Variants in BRINP3 observed in about 807,000 individuals in gnomAD.
The protein encoded by BRINP3 is BMP/retinoic acid-inducible neural-specific protein 3.
A neutral mutation model predicts 71.0 loss-of-function variants in BRINP3; 19 were observed. That is an observed-to-expected ratio of 0.27 (90% CI 0.19 to 0.39). The LOEUF is 0.39. BRINP3 is among the 10% of genes least tolerant of loss of function. The pLI is 1.00. For synonymous variants in BRINP3, 380 were observed against 337.7 expected (o/e 1.13, Z -1.37); for missense variants, 959 against 940.8 (o/e 1.02, Z -0.25).
chr1:190,183,440 G>A (rs1027639698), intron 6 of BRINP3, among the ~76,000 whole-genome samples: 1 of 151,972 alleles, frequency 6.6e-6, no homozygotes, highest in African/African-American at 2.4e-5. Flanking sequence ...CTCAAAGGGG[G>A]AATAAAGATA....
intron 2 of BRINP3, among the ~76,000 whole-genome samples, chr1:190,354,597 C>T (rs1315033549): frequency 6.6e-6 from 1 of 151,954 alleles, no homozygotes; most frequent in Non-Finnish European, 1.5e-5. Context: ...TACCACAGCT[C>T]ATTGTCTCCT....
chr1:190,102,345 G>A (rs781357669), intron 7 of BRINP3, among the ~76,000 whole-genome samples: 1 of 152,100 alleles, frequency 6.6e-6, no homozygotes, highest in Non-Finnish European at 1.5e-5. Flanking sequence ...GGAGACAAAT[G>A]TCCTAACAAT....
chr1:190,146,752 T>C (rs975751342), intron 7 of BRINP3, among the ~76,000 whole-genome samples: 7 of 152,210 alleles, frequency 4.6e-5, no homozygotes, highest in African/African-American at 1.7e-4. Flanking sequence ...GCAATCCTAG[T>C]CTACTATCAT....
intron 2 of BRINP3, among the ~76,000 whole-genome samples, chr1:190,423,075 G>A (rs370448350): frequency 8.8e-4 from 134 of 151,778 alleles, no homozygotes; most frequent in Middle Eastern, 3.4e-3. Flanking sequence ...ATTTTTGCTA[G>A]ACCCCAGACC....
chr1:190,436,409 A>T (rs1674457038), intron 2 of BRINP3, among the ~76,000 whole-genome samples: 1 of 151,876 alleles, frequency 6.6e-6, no homozygotes, highest in Non-Finnish European at 1.5e-5. Context: ...TGTGGTCAAC[A>T]ATCTTAGAAA....
intron 6 of BRINP3, among the ~76,000 whole-genome samples, chr1:190,187,376 T>C (rs556570697): frequency 1.2e-4 from 19 of 152,272 alleles, no homozygotes; most frequent in African/African-American, 4.3e-4. Context: ...GAATATTTTT[T>C]TATTTTTATG....
At chr1:190,161,136 T>C in intron 6 of BRINP3, among the ~76,000 whole-genome samples, 1 of 152,080 alleles carries the variant, frequency 6.6e-6, no homozygotes, top group East Asian at 1.9e-4. Flanking sequence ...ACTAAAATAA[T>C]TTGTGCTAAA....
intron 2 of BRINP3, among the ~76,000 whole-genome samples, chr1:190,357,424 G>C (rs1400332716): frequency 1.3e-5 from 2 of 151,844 alleles, no homozygotes; most frequent in Non-Finnish European, 2.9e-5. Context: ...AGAAAATTTT[G>C]ATTATTATTA....
chr1:190,365,854 T>C (rs1264084755), intron 2 of BRINP3, among the ~76,000 whole-genome samples: 1 of 141,584 alleles, frequency 7.1e-6, no homozygotes, highest in Non-Finnish European at 1.5e-5. Flanking sequence ...ACATATATAA[T>C]GTATATATCC....
At chr1:190,414,163 A>G (rs948872033) in intron 2 of BRINP3, among the ~76,000 whole-genome samples, 3 of 152,120 alleles carry the variant, frequency 2.0e-5, no homozygotes, top group Admixed American at 1.3e-4. Flanking sequence ...TAAACAAAAA[A>G]TAATATTTTT....
intron 6 of BRINP3, among the ~76,000 whole-genome samples, chr1:190,224,964 A>C (rs190758991): frequency 7.4e-4 from 113 of 152,046 alleles, no homozygotes; most frequent in African/African-American, 2.6e-3. Flanking sequence ...GGTTGTATCA[A>C]AAGACAGGCA....
At chr1:190,227,147 T>C (rs1313397487) in intron 5 of BRINP3, among the ~76,000 whole-genome samples, 1 of 151,876 alleles carries the variant, frequency 6.6e-6, no homozygotes. Flanking sequence ...TAAAAATGAA[T>C]ACAAAGCTAA....
intron 7 of BRINP3, among the ~76,000 whole-genome samples, chr1:190,139,634 T>C (rs1388269386): frequency 1.3e-5 from 2 of 152,008 alleles, no homozygotes; most frequent in Non-Finnish European, 2.9e-5. Flanking sequence ...CAGGGAGGCT[T>C]GAAGGAAATA....
intron 2 of BRINP3, among the ~76,000 whole-genome samples, chr1:190,446,273 T>C (rs1221808096): frequency 6.6e-6 from 1 of 152,030 alleles, no homozygotes; most frequent in Admixed American, 6.6e-5. Flanking sequence ...ATTATTTTGG[T>C]TATTAATGTG....
intron 7 of BRINP3, among the ~76,000 whole-genome samples, chr1:190,130,819 A>G (rs571584020): frequency 2.0e-5 from 3 of 152,032 alleles, no homozygotes; most frequent in Admixed American, 6.6e-5. Flanking sequence ...GCTTTCCCAC[A>G]TACTCCTGCC....
intron 2 of BRINP3, among the ~76,000 whole-genome samples, chr1:190,327,352 G>GAAAAAA (rs796445574): frequency 3.9e-5 from 3 of 77,422 alleles, no homozygotes; most frequent in Non-Finnish European, 5.6e-5. Context: ...AAAAAAAAAG[G>GAAAAAA]AAAAAAAAAA....
At chr1:190,288,568 C>G (rs929570494) in intron 2 of BRINP3, among the ~76,000 whole-genome samples, 3 of 151,852 alleles carry the variant, frequency 2.0e-5, no homozygotes, top group African/African-American at 7.2e-5. Flanking sequence ...GATATAAACA[C>G]ACCTCATCTA....
chr1:190,305,802 A>G (rs182285287), intron 2 of BRINP3, among the ~76,000 whole-genome samples: 153 of 151,974 alleles, frequency 1.0e-3, no homozygotes, highest in African/African-American at 3.5e-3. Context: ...TTAAAACCTC[A>G]TTAGAAAAAA....
chr1:190,225,146 T>A (rs192587509), intron 6 of BRINP3, among the ~76,000 whole-genome samples: 111 of 151,982 alleles, frequency 7.3e-4, no homozygotes, highest in Non-Finnish European at 1.3e-3. Context: ...ATAAAGGAAA[T>A]CAGTATATTG....
Sources: allele counts gnomAD v4.1 joint callset (sites outside exome capture counted in the v4.1 genomes callset), GRCh38; gene constraint gnomAD v4.1.1; transcripts MANE v1.5; gene names NCBI Gene and HGNC (gene_info 2026-07-23, HGNC 2026-07-21).